The following RYK variants were observed in gnomAD, a reference collection of about 807,000 sequenced individuals.
RYK encodes the protein receptor like tyrosine kinase.
A neutral mutation model predicts 70.2 loss-of-function variants in RYK; 21 were observed. The observed-to-expected ratio is 0.30, with a 90% CI of 0.21 to 0.43. The LOEUF is 0.43. Ranked by LOEUF, RYK falls within the 20% of genes least tolerant of loss-of-function variation. RYK has a pLI of 1.00. For synonymous variants in RYK, 267 were observed against 278.0 expected, an observed-to-expected ratio of 0.96 and a Z score of 0.39; for missense variants, 604 against 753.3, an observed-to-expected ratio of 0.80 and a Z score of 2.32.
At chr3:134,159,501 A>AC (rs1415757943) in intron 13 of RYK, 128 bp from the exon 14 acceptor site, 2 of 844,492 alleles carry the variant, frequency 2.4e-6, no homozygotes, top group African/African-American at 3.5e-5. Context: ...AATGTTATTT[A>AC]CAAAAAAATG....
intron 7 of RYK, among the ~76,000 whole-genome samples, chr3:134,194,060 CTGA>C (rs1351515227): frequency 3.3e-5 from 5 of 152,210 alleles, no homozygotes; most frequent in African/African-American, 1.2e-4. Flanking sequence ...CTTTCAATCA[CTGA>C]TGATCTTTTT....
intron 9 of RYK, among the ~76,000 whole-genome samples, chr3:134,187,515 C>T (rs2013502777): frequency 6.6e-6 from 1 of 152,104 alleles, no homozygotes; most frequent in Admixed American, 6.6e-5. Context: ...ATTTTTCTTT[C>T]TCTCTAGATA....
chr3:134,217,675 T>C (rs916636498), intron 2 of RYK, among the ~76,000 whole-genome samples: 1 of 152,180 alleles, frequency 6.6e-6, no homozygotes, highest in Non-Finnish European at 1.5e-5. Flanking sequence ...GCATGGAAGC[T>C]TATATACACA....
intron 7 of RYK, among the ~76,000 whole-genome samples, chr3:134,193,187 C>CTT (rs59588313): frequency 3.5e-5 from 5 of 143,746 alleles, no homozygotes; most frequent in South Asian, 2.2e-4. Context: ...TTTCCCTTGA[C>CTT]TTTTTTTTTT....
At chr3:134,244,102 A>C (rs2015391977) in intron 1 of RYK, among the ~76,000 whole-genome samples, 1 of 152,212 alleles carries the variant, frequency 6.6e-6, no homozygotes, top group Non-Finnish European at 1.5e-5. Context: ...CAAGTTATCC[A>C]AAGTTAATTT....
At chr3:134,211,674 T>A (rs765168331) in intron 2 of RYK, 67 bp from the exon 3 acceptor site, 3 of 1,025,514 alleles carry the variant, frequency 2.9e-6, no homozygotes, top group Non-Finnish European at 4.5e-6. Flanking sequence ...CAGCTTGACT[T>A]CATTAATTGG....
At chr3:134,206,535 AATCGGGTTAATTTGAAC>A (rs1294277190) in intron 5 of RYK, among the ~76,000 whole-genome samples, 1 of 152,196 alleles carries the variant, frequency 6.6e-6, no homozygotes, top group African/African-American at 2.4e-5. Flanking sequence ...TTTTAAAGAC[AATCGGGTTAATTTGAAC>A]ATGGACTATC....
chr3:134,211,866 G>C (rs2014407799), intron 2 of RYK, among the ~76,000 whole-genome samples: 1 of 152,244 alleles, frequency 6.6e-6, no homozygotes, highest in African/African-American at 2.4e-5. Flanking sequence ...TCTAGGGTCA[G>C]AAATCCTGCT....
chr3:134,233,575 C>T (rs1576534720), intron 1 of RYK, among the ~76,000 whole-genome samples: 1 of 151,966 alleles, frequency 6.6e-6, no homozygotes, highest in East Asian at 1.9e-4. Context: ...AGCAACAGAG[C>T]AATAATTAAT....
rs1163402247 is a variant in RYK at position 134,157,404 on chromosome 3, T to A, written c.*749A>T. On this transcript the variant is annotated 3_prime_UTR_variant, in exon 15 of 15. Transcript: ENST00000623711. ...TAAAATCACCATTGTTTACTACAGA[T>A]CTGCCCCAAACCACATCTGGTTCAC... is the stretch of plus-strand genomic sequence containing the variant. 6.6e-6 allele frequency: 1 copy of A among 152,226 alleles called. No individual in the cohort carries two copies. The highest frequency in any genetic ancestry group is 6.5e-5 in the Admixed American group (1 of 15,290). 9.4% of individuals were successfully genotyped at this position (152,226 alleles called of 1,614,324 possible). A position where few individuals can be genotyped will look rare whatever the true frequency, so the allele number is the denominator to read the frequency against.
At chr3:134,168,912 A>C (rs984568728) in intron 13 of RYK, among the ~76,000 whole-genome samples, 1 of 152,200 alleles carries the variant, frequency 6.6e-6, no homozygotes, top group Non-Finnish European at 1.5e-5. Context: ...AGGATACAAC[A>C]AGCACTGGGC....
intron 10 of RYK, chr3:134,181,161 C>T (rs1339713016): frequency 6.6e-6 from 1 of 152,202 alleles, no homozygotes; most frequent in Non-Finnish European, 1.5e-5. Context: ...GGGGTAAGAA[C>T]ATTGGCTAGG....
chr3:134,234,029 G>C (rs922133854), intron 1 of RYK, among the ~76,000 whole-genome samples: 4 of 152,040 alleles, frequency 2.6e-5, no homozygotes, highest in Non-Finnish European at 5.9e-5. Context: ...GTTAACAGTG[G>C]TTGAATATAA....
At chr3:134,186,654 C>T (rs1046268148) in intron 9 of RYK, among the ~76,000 whole-genome samples, 8 of 152,170 alleles carry the variant, frequency 5.3e-5, no homozygotes, top group African/African-American at 1.7e-4. Context: ...CCAGTGACTA[C>T]AAGTCAAGCA....
At chr3:134,222,814 T>C (rs1441702290) in intron 1 of RYK, among the ~76,000 whole-genome samples, 1 of 152,198 alleles carries the variant, frequency 6.6e-6, no homozygotes, top group East Asian at 1.9e-4. Context: ...CCACTCTGTC[T>C]TCTGAGGGCC....
intron 5 of RYK, among the ~76,000 whole-genome samples, chr3:134,203,106 G>A (rs897216259): frequency 3.3e-5 from 5 of 152,142 alleles, no homozygotes; most frequent in Non-Finnish European, 2.9e-5. Context: ...CAGCACTTCG[G>A]GAGGCCAAGG....
chr3:134,193,489 AC>A (rs1227578125), intron 7 of RYK, among the ~76,000 whole-genome samples: 1 of 152,122 alleles, frequency 6.6e-6, no homozygotes, highest in African/African-American at 2.4e-5. Flanking sequence ...GGCCCCTTTG[AC>A]TTTTTTAAGA....
chr3:134,199,770 T>C (rs766918885), intron 6 of RYK, among the ~76,000 whole-genome samples: 2 of 152,086 alleles, frequency 1.3e-5, no homozygotes, highest in African/African-American at 4.8e-5. Flanking sequence ...CCATCACTAC[T>C]AGTGAGAGGT....
rs1300679361 is a variant in RYK, at chr3:134,250,497, G to A, written c.158C>T (p.Pro53Leu). 5.5e-6 allele frequency: 7 copies of A among 1,278,000 alleles called. No individual in the cohort carries two copies. Among genetic ancestry groups the A allele is most frequent in the African/African-American group, 3.1e-5 (2 of 64,560 alleles). The allele number at this position is 1,278,000 out of a possible 1,614,324, so 79.2% of individuals were successfully genotyped here. The change falls in exon 1 of 15, where the codon CCG (proline) becomes CTG (leucine). Residue 53 changes from proline to leucine, a missense_variant. Around this residue, in one of 2 missense-constraint regions of RYK, gnomAD observed 466 missense variants for 535.9 expected, o/e 0.87. Coordinates refer to ENST00000623711, the MANE Select transcript of RYK (RefSeq NM_002958.4). ...CCCCGCGGAAGCCGACTGCAGCTCCGGGGGCCGCGGGGCGGGGGCGGCGGC... is the reference window on the plus strand; with the variant it reads ...CCCCGCGGAAGCCGACTGCAGCTCCAGGGGCCGCGGGGCGGGGGCGGCGGC... ...GAAAAPAPRP[P>L]ELQSASAGPS...
Sources: allele counts gnomAD v4.1 joint callset (sites outside exome capture counted in the v4.1 genomes callset), GRCh38; gene constraint gnomAD v4.1.1; regional missense constraint gnomAD v4.1.1; transcripts MANE v1.5; gene names NCBI Gene and HGNC (gene_info 2026-07-23, HGNC 2026-07-21).